Variants in CGNL1 observed in about 807,000 individuals in gnomAD.
CGNL1 encodes cingulin-like protein 1.
A neutral mutation model predicts 141.2 loss-of-function variants in CGNL1; 132 were observed. The ratio of observed to expected loss-of-function variants is 0.93; its 90% CI spans 0.81 to 1.08. CGNL1 has a LOEUF of 1.08. Ranked by LOEUF, CGNL1 falls within the 50% of genes least tolerant of loss-of-function variation. The pLI, the probability that CGNL1 is intolerant of heterozygous loss-of-function variation, is 0.00. For synonymous variants in CGNL1, 690 were observed against 622.1 expected, an observed-to-expected ratio of 1.11 and a Z score of -1.63; for missense variants, 1,870 against 1,588.6, an observed-to-expected ratio of 1.18 and a Z score of -3.01.
intron 8 of CGNL1, among the ~76,000 whole-genome samples, chr15:57,486,439 G>A (rs572204015): frequency 5.0e-4 from 76 of 152,294 alleles, no homozygotes; most frequent in African/African-American, 1.7e-3. Flanking sequence ...GATACTGGGC[G>A]CTTCTGCAAG....
intron 1 of CGNL1, among the ~76,000 whole-genome samples, chr15:57,415,742 G>C (rs961022204): frequency 2.2e-4 from 33 of 152,240 alleles, no homozygotes; most frequent in Non-Finnish European, 4.7e-4. Context: ...CCAACGTAGA[G>C]CATGTTCTTG....
At chr15:57,493,282 C>T (rs1200054227) in intron 8 of CGNL1, among the ~76,000 whole-genome samples, 1 of 152,152 alleles carries the variant, frequency 6.6e-6, no homozygotes, top group Non-Finnish European at 1.5e-5. Flanking sequence ...CAGAATTACT[C>T]CACTTGTGCT....
chr15:57,514,642 A>C (rs2030620385), intron 8 of CGNL1, among the ~76,000 whole-genome samples: 1 of 152,120 alleles, frequency 6.6e-6, no homozygotes, highest in Non-Finnish European at 1.5e-5. Flanking sequence ...TTCTTTTGTC[A>C]CTTGTACTTT....
chr15:57,405,003 C>T (rs1314378921), intron 1 of CGNL1: 1 of 152,158 alleles, frequency 6.6e-6, no homozygotes, highest in Admixed American at 6.5e-5. Context: ...TTGTACTGCC[C>T]ACCATACTGT....
chr15:57,450,133 A>G (rs1378651493), intron 4 of CGNL1, among the ~76,000 whole-genome samples: 1 of 152,192 alleles, frequency 6.6e-6, no homozygotes, highest in Non-Finnish European at 1.5e-5. Context: ...AAACAACCAT[A>G]CCATTTTCTA....
intron 14 of CGNL1, among the ~76,000 whole-genome samples, chr15:57,543,228 C>T (rs2032662862): frequency 1.1e-5 from 1 of 93,992 alleles, no homozygotes; most frequent in Non-Finnish European, 2.3e-5. Flanking sequence ...ATCTCCACTT[C>T]CCTGTGTCCA....
chr15:57,509,956 T>C (rs1459579100), intron 8 of CGNL1, among the ~76,000 whole-genome samples: 1 of 152,346 alleles, frequency 6.6e-6, no homozygotes, highest in African/African-American at 2.4e-5. Context: ...TTTTAATAAA[T>C]TAGCCAACCA....
chr15:57,469,821 C>G (rs1464200046), intron 8 of CGNL1, among the ~76,000 whole-genome samples: 2 of 152,134 alleles, frequency 1.3e-5, no homozygotes, highest in Admixed American at 1.3e-4. Context: ...TACCGTGTTC[C>G]CACGTCATTT....
intron 7 of CGNL1, among the ~76,000 whole-genome samples, chr15:57,456,861 A>G (rs540660490): frequency 6.6e-6 from 1 of 152,342 alleles, no homozygotes; most frequent in East Asian, 1.9e-4. Flanking sequence ...TATCCCTGGC[A>G]TTTGCCAAGA....
intron 14 of CGNL1, among the ~76,000 whole-genome samples, chr15:57,534,312 A>G (rs988632965): frequency 1.3e-5 from 2 of 152,208 alleles, no homozygotes; most frequent in Non-Finnish European, 1.5e-5. Context: ...AATTGAGCAC[A>G]TTCACATGGA....
rs527774694 is a variant in CGNL1, at chr15:57,427,397, C to A, written c.-15-10588C>A. ...GTGCCTATCATTTATAGCACAGTCT[C>A]TCTGGGACCCGTGCAAACAACTGAC... On this transcript the variant is annotated intron_variant, in intron 1 of 18. Coordinates refer to ENST00000281282, the MANE Select transcript of CGNL1 (RefSeq NM_032866.5). Among the ~76,000 whole-genome samples the A allele has an allele frequency of 6.9e-4, 105 of 152,298 alleles. 1 individual carries two copies. The South Asian group carries it at 0.021, about 31-fold the overall frequency.
Position 57,524,600 on chromosome 15 carries a change from C to G in CGNL1, c.2888C>G (p.Ala963Gly). The change falls in exon 12 of 19, where the codon GCC becomes GGC. Residue 963 changes from alanine (A) to glycine (G), a missense_variant. Physicochemically the swap from Ala to Gly is moderately conservative, Grantham distance 60. Coordinates refer to ENST00000281282, the MANE Select transcript of CGNL1 (RefSeq NM_032866.5). ...LQKEMADIVE[A>G]SRTSTLELQN... ...TTCTAGATGGCAGACATTGTTGAGGCCTCCCGTACCTCAACCCTGGAGCTC... is the reference window on the plus strand; with the variant it reads ...TTCTAGATGGCAGACATTGTTGAGGGCTCCCGTACCTCAACCCTGGAGCTC... The G allele has an allele frequency of 6.2e-7, 1 of 1,613,128 alleles. No homozygotes were observed. Among genetic ancestry groups the G allele is most frequent in the Non-Finnish European group, 8.5e-7 (1 of 1,179,708 alleles).
Position 57,442,327 on chromosome 15 carries a change from C to G in CGNL1, c.1698-46C>G, listed in dbSNP as rs377567094. On this transcript the variant is annotated intron_variant, in intron 3 of 18. Coordinates refer to ENST00000281282, the MANE Select transcript of CGNL1 (RefSeq NM_032866.5). ...TCATGACATATAAATTGTTCTGAGACCAGTGGTTGTGTCCCTCATTGTTTT... is the reference window on the plus strand; with the variant it reads ...TCATGACATATAAATTGTTCTGAGAGCAGTGGTTGTGTCCCTCATTGTTTT... The G allele has an allele frequency of 3.4e-6, 4 of 1,190,290 alleles. No individual in the cohort carries two copies. The African/African-American group carries it at 6.0e-5, about 18-fold the overall frequency. The allele number at this position is 1,190,290 out of a possible 1,614,324, so 73.7% of individuals were successfully genotyped here. A position where few individuals can be genotyped will look rare whatever the true frequency, so the allele number is the denominator to read the frequency against.
At chr15:57,389,180 C>T (rs1411983503) in intron 1 of CGNL1, among the ~76,000 whole-genome samples, 6 of 151,954 alleles carry the variant, frequency 3.9e-5, no homozygotes. Context: ...AAATCATGTG[C>T]CTGGGGCATC....
At chr15:57,401,606 C>T (rs1242210348) in intron 1 of CGNL1, among the ~76,000 whole-genome samples, 3 of 152,134 alleles carry the variant, frequency 2.0e-5, no homozygotes, top group Non-Finnish European at 2.9e-5. Context: ...GTTTAGTTGT[C>T]CTTGAAGAAT....
chr15:57,403,055 T>A (rs947832222), intron 1 of CGNL1, among the ~76,000 whole-genome samples: 12 of 152,222 alleles, frequency 7.9e-5, no homozygotes, highest in Non-Finnish European at 1.6e-4. Flanking sequence ...AAGGCCACCA[T>A]TGAATCCTTT....
chr15:57,518,959 A>G (rs1279738027), intron 10 of CGNL1, among the ~76,000 whole-genome samples: 2 of 152,256 alleles, frequency 1.3e-5, no homozygotes, highest in African/African-American at 2.4e-5. Context: ...GCTTTCTGGC[A>G]GAAGCCAATT....
At chr15:57,381,839 A>G (rs1057326049) in intron 1 of CGNL1, among the ~76,000 whole-genome samples, 1 of 152,232 alleles carries the variant, frequency 6.6e-6, no homozygotes, top group Non-Finnish European at 1.5e-5. Context: ...CTAAAGAGAA[A>G]GTATTCCGCT....
At chr15:57,545,104 C>G (rs1006419314) in intron 16 of CGNL1, among the ~76,000 whole-genome samples, 1 of 152,208 alleles carries the variant, frequency 6.6e-6, no homozygotes, top group Non-Finnish European at 1.5e-5. Flanking sequence ...GCAGCTAACT[C>G]TCTAATGGCA....
Sources: allele counts gnomAD v4.1 joint callset (sites outside exome capture counted in the v4.1 genomes callset), GRCh38; gene constraint gnomAD v4.1.1; transcripts MANE v1.5; gene names NCBI Gene and HGNC (gene_info 2026-07-23, HGNC 2026-07-21).